The following BLM variants were observed in gnomAD, a reference collection of about 807,000 sequenced individuals.
BLM encodes recQ-like DNA helicase BLM.
BLM carries 95 observed loss-of-function variants against 135.3 expected under a neutral mutation model. The ratio of observed to expected loss-of-function variants is 0.70; its 90% confidence interval spans 0.59 to 0.83. The LOEUF is 0.83. Ranked by LOEUF, BLM falls within the 40% of genes least tolerant of loss-of-function variation. The pLI is 0.00. For missense variants in BLM, 1,518 were observed against 1,663.9 expected (o/e 0.91, Z 1.53); for synonymous variants, 520 against 589.2 (o/e 0.88, Z 1.70).
At position 90,797,784 on chromosome 15, in the gene BLM, A is replaced by AGC. The variant is rs35161950; in HGVS notation, c.3211-404_3211-403dup. On this transcript the variant is annotated intron_variant, in intron 16 of 21. Transcript: ENST00000355112. ...GAAACTAGCAGGAGATGATGAAAAG[A>AGC]GCGTTGACTATGGCACCAAAGACCC... 1.2e-3 allele frequency among the ~76,000 whole-genome samples: 190 copies of AGC among 152,322 alleles called. 1 individual carries two copies. The highest frequency in any genetic ancestry group is 4.5e-3 in the African/African-American group (185 of 41,570).
At chr15:90,763,258 A>G in intron 8 of BLM, 101 bp downstream of exon 8, 2 of 1,260,888 alleles carry the variant, frequency 1.6e-6, no homozygotes, top group East Asian at 4.6e-5. Context: ...TATTTCTATC[A>G]TTTAGGGACC....
At chr15:90,783,073 T>C (rs545352165) in intron 13 of BLM, 145 bp downstream of exon 13, 1 of 657,374 alleles carries the variant, frequency 1.5e-6, no homozygotes, top group Admixed American at 2.8e-5. Flanking sequence ...CTATTGCAAC[T>C]CTCTCAATTC....
intron 2 of BLM, chr15:90,747,787 GT>G (rs1270937751): frequency 8.1e-5 from 27 of 333,676 alleles, no homozygotes; most frequent in East Asian, 3.9e-4. Flanking sequence ...GTTTTGGGGG[GT>G]TTTTTTGTTT....
chr15:90,755,320 CT>C, intron 5 of BLM: 1 of 225,176 alleles, frequency 4.4e-6, no homozygotes, highest in Non-Finnish European at 8.9e-6. Flanking sequence ...TAGAGTTTCC[CT>C]CCCCCTCCTT....
chr15:90,760,297 C>T lies in BLM; in HGVS notation c.1220+18C>T. On this transcript the variant is annotated intron_variant, in intron 6 of 21. Transcript: ENST00000355112. Reference sequence around the variant, plus strand: ...AACATAAGGTATCTTAATTTTCCCCCTTCTGGAATATATCTGATTATATTT... The same window carrying T: ...AACATAAGGTATCTTAATTTTCCCCTTTCTGGAATATATCTGATTATATTT... The T allele has an allele frequency of 1.2e-6, 2 of 1,613,724 alleles. No individual in the cohort carries two copies. Among genetic ancestry groups the T allele is most frequent in the East Asian group, 2.2e-5 (1 of 44,858 alleles).
rs996189487 is a variant in BLM at position 90,784,975 on chromosome 15, A to T, written c.2717A>T (p.Asp906Val). Residue 906 changes from aspartate (D) to valine (V), a missense_variant, in exon 14 of 22, where the codon GAC becomes GTC. Transcript: ENST00000355112. ...AGGCGAGAATGTGACACCATGGCTG[A>T]CACGTTACAGAGAGATGGGCTCGCT... ...LSRRECDTMADTLQRDGLAAL... is the reference protein window; with the variant it reads ...LSRRECDTMAVTLQRDGLAAL... The T allele has an allele frequency of 1.2e-6, 2 of 1,614,066 alleles. No individual in the cohort carries two copies. Among genetic ancestry groups the T allele is most frequent in the African/African-American group, 2.7e-5 (2 of 74,930 alleles).
intron 14 of BLM, among the ~76,000 whole-genome samples, chr15:90,785,360 C>G (rs1006572297): frequency 1.3e-5 from 2 of 152,046 alleles, no homozygotes; most frequent in African/African-American, 4.8e-5. Context: ...CAATAATCAT[C>G]TCTATCTAAT....
intron 14 of BLM, among the ~76,000 whole-genome samples, chr15:90,788,471 G>GTT (rs35158343): frequency 0.014 from 1,354 of 94,756 alleles, 12 homozygotes; most frequent in African/African-American, 0.025. Context: ...CCAGTGTTTT[G>GTT]TTTTTTTTTT....
intron 5 of BLM, among the ~76,000 whole-genome samples, chr15:90,758,901 CA>C (rs1346135107): frequency 1.3e-5 from 2 of 152,098 alleles, no homozygotes; most frequent in African/African-American, 4.8e-5. Flanking sequence ...ATCTTGGTAA[CA>C]GTATATGTTA....
intron 9 of BLM, among the ~76,000 whole-genome samples, chr15:90,765,766 CT>C (rs2151162915): frequency 6.6e-6 from 1 of 152,272 alleles, no homozygotes; most frequent in Non-Finnish European, 1.5e-5. Flanking sequence ...ACACATATAT[CT>C]TTTTTTCTCA....
rs2151162337 is a variant in BLM, at chr15:90,765,309, T to C, written c.2088T>C (p.Ser696=). The C allele has an allele frequency of 6.2e-7, 1 of 1,610,186 alleles. No homozygotes were observed. The highest frequency in any genetic ancestry group is 8.5e-7 in the Non-Finnish European group (1 of 1,176,482). Residue 696 remains serine, a synonymous_variant, in exon 9 of 22, where the codon AGT becomes AGC. Coordinates refer to ENST00000355112, the MANE Select transcript of BLM (RefSeq NM_000057.4). ...FILMPTGGGK[S]LCYQLPACVS... ...GTTCTCTTTCAGGAGGTGGTAAGAG[T>C]TTGTGTTACCAGCTCCCTGCCTGTG...
intron 14 of BLM, among the ~76,000 whole-genome samples, chr15:90,786,854 C>G (rs187384092): frequency 1.2e-4 from 18 of 151,998 alleles, no homozygotes; most frequent in African/African-American, 4.3e-4. Flanking sequence ...ACCTCATGAT[C>G]CGCCCACCTC....
intron 14 of BLM, among the ~76,000 whole-genome samples, chr15:90,789,987 G>GTTTTT (rs61059865): frequency 5.2e-5 from 3 of 57,372 alleles, no homozygotes; most frequent in African/African-American, 1.1e-4. Context: ...AGTCCCTGGT[G>GTTTTT]TTTTTTTTTT....
At chr15:90,732,050 C>T (rs1215493383) in intron 1 of BLM, among the ~76,000 whole-genome samples, 2 of 152,136 alleles carry the variant, frequency 1.3e-5, no homozygotes, top group East Asian at 1.9e-4. Context: ...CTTATTTTTT[C>T]AGTTTCTTTT....
At chr15:90,773,189 G>A (rs367664567) in intron 12 of BLM, among the ~76,000 whole-genome samples, 2 of 151,868 alleles carry the variant, frequency 1.3e-5, no homozygotes, top group Non-Finnish European at 2.9e-5. Context: ...GGAGGCCAAG[G>A]GAGACGGATC....
In BLM at chr15:90,730,234, T is replaced by C. The variant is rs561638413; in HGVS notation, c.-5+12794T>C. On this transcript the variant is annotated intron_variant, in intron 1 of 21. Transcript: ENST00000355112. ...ATAGCCTTTGTGAATATTAATGATT[T>C]TACATCTTTCCAGTTAACACGCCTT... is the stretch of plus-strand genomic sequence containing the variant. Among the ~76,000 whole-genome samples, 23 of 152,352 alleles carry C rather than the reference T, an allele frequency of 1.5e-4. 1 individual carries two copies. In the South Asian group the frequency reaches 4.8e-3, roughly 32 times the overall value.
At chr15:90,748,480 TCTC>T (rs1395825905) in intron 2 of BLM, among the ~76,000 whole-genome samples, 1 of 152,154 alleles carries the variant, frequency 6.6e-6, no homozygotes, top group African/African-American at 2.4e-5. Context: ...CAGTTCTGCC[TCTC>T]CTCTAAGCTA....
chr15:90,735,332 T>G (rs1255451778), intron 1 of BLM, among the ~76,000 whole-genome samples: 1 of 148,644 alleles, frequency 6.7e-6, no homozygotes, highest in Non-Finnish European at 1.5e-5. Flanking sequence ...AATATAAATA[T>G]CAACAGAGTT....
At chr15:90,725,911 A>C (rs1211823843) in intron 1 of BLM, among the ~76,000 whole-genome samples, 2 of 152,080 alleles carry the variant, frequency 1.3e-5, no homozygotes, top group Non-Finnish European at 2.9e-5. Flanking sequence ...ATATACGTAC[A>C]TACACATTTA....
Sources: gnomAD v4.1 joint callset for allele counts (sites outside exome capture counted in the v4.1 genomes callset) on GRCh38, gnomAD v4.1.1 for gene constraint, MANE v1.5 for transcripts, NCBI Gene and HGNC (gene_info 2026-07-23, HGNC 2026-07-21) for gene names.